The following KCNMA1 variants were observed in gnomAD, a reference collection of about 807,000 sequenced individuals.
KCNMA1 encodes the protein Calcium-activated potassium channel subunit alpha-1.
KCNMA1 carries 29 observed loss-of-function variants against 140.0 expected under a neutral mutation model. The observed-to-expected ratio is 0.21, with a 90% CI of 0.15 to 0.28. The LOEUF is 0.28. Ranked by LOEUF, KCNMA1 falls within the 10% of genes least tolerant of loss-of-function variation. The probability of loss-of-function intolerance (pLI) is 1.00; values close to 1 mark genes in which losing one functional copy is unlikely to be tolerated. For missense variants in KCNMA1, 880 were observed against 1,602.2 expected (o/e 0.55, Z 7.70); for synonymous variants, 612 against 611.9 (o/e 1.00, Z 0.00).
At chr10:76,947,994 TGTTTC>T (rs386745510) in intron 22 of KCNMA1, among the ~76,000 whole-genome samples, 1 of 145,034 alleles carries the variant, frequency 6.9e-6, no homozygotes, top group Non-Finnish European at 1.6e-5. Flanking sequence ...GTTCCTCAGT[TGTTTC>T]TTGTTTTGTT....
intron 23 of KCNMA1, chr10:76,939,110 C>CTTTTTT (rs71028244): frequency 7.5e-5 from 5 of 66,746 alleles, no homozygotes; most frequent in Non-Finnish European, 1.4e-4. Flanking sequence ...GCCACCTCTT[C>CTTTTTT]TTTTTTTTTT....
chr10:76,951,606 C>T (rs138889002), intron 21 of KCNMA1, among the ~76,000 whole-genome samples: 4 of 152,248 alleles, frequency 2.6e-5, no homozygotes, highest in Admixed American at 6.5e-5. Context: ...GTTAGTTTCC[C>T]GTGCCCAGTG....
chr10:77,030,338 G>C (rs535671803), intron 15 of KCNMA1, among the ~76,000 whole-genome samples: 16 of 152,290 alleles, frequency 1.1e-4, no homozygotes, highest in Non-Finnish European at 1.6e-4. Context: ...CCCTTTATGG[G>C]ACTGTTACTT....
chr10:77,300,622 C>T (rs1052175948), intron 2 of KCNMA1, among the ~76,000 whole-genome samples: 2 of 152,182 alleles, frequency 1.3e-5, no homozygotes, highest in African/African-American at 4.8e-5. Context: ...ATCAATGGTG[C>T]ATCTTTCTCA....
chr10:77,463,427 G>A (rs370518399), intron 1 of KCNMA1, among the ~76,000 whole-genome samples: 2 of 151,602 alleles, frequency 1.3e-5, no homozygotes, highest in Non-Finnish European at 2.9e-5. Flanking sequence ...AAGGAGAAAG[G>A]ACTCTGACCT....
chr10:77,619,378 C>T (rs1157638040), intron 1 of KCNMA1, among the ~76,000 whole-genome samples: 1 of 152,086 alleles, frequency 6.6e-6, no homozygotes, highest in African/African-American at 2.4e-5. Flanking sequence ...CTCTCACTCT[C>T]GCTCTTCCCC....
At chr10:76,893,625 A>G (rs1328790151) in intron 25 of KCNMA1, among the ~76,000 whole-genome samples, 2 of 152,150 alleles carry the variant, frequency 1.3e-5, no homozygotes, top group Admixed American at 6.5e-5. Flanking sequence ...CTGTAATCCC[A>G]GATCCTCGGG....
At chr10:77,546,575 T>C (rs2061506372) in intron 1 of KCNMA1, among the ~76,000 whole-genome samples, 1 of 152,242 alleles carries the variant, frequency 6.6e-6, no homozygotes, top group African/African-American at 2.4e-5. Context: ...CACACAAGGT[T>C]ATCCCCAATA....
chr10:76,944,712 C>A (rs1048487458), intron 23 of KCNMA1, 61 bp downstream of exon 23: 10 of 1,463,434 alleles, frequency 6.8e-6, no homozygotes, highest in Non-Finnish European at 9.6e-6. Flanking sequence ...TGAAGGATAT[C>A]CCTCTTGCCA....
chr10:77,506,596 AGT>A (rs796386759), intron 1 of KCNMA1, among the ~76,000 whole-genome samples: 26 of 83,536 alleles, frequency 3.1e-4, no homozygotes, highest in South Asian at 4.4e-4. Flanking sequence ...AGAGAGAGAG[AGT>A]GTGTGTGTGT....
chr10:77,622,694 A>G (rs1477946142), intron 1 of KCNMA1, among the ~76,000 whole-genome samples: 2 of 152,224 alleles, frequency 1.3e-5, no homozygotes, highest in African/African-American at 4.8e-5. Context: ...ACATCACAGG[A>G]TTGTTTTGAG....
At chr10:76,920,031 T>C (rs1437334019) in intron 23 of KCNMA1, among the ~76,000 whole-genome samples, 1 of 108,514 alleles carries the variant, frequency 9.2e-6, no homozygotes, top group African/African-American at 4.1e-5. Flanking sequence ...TATATATATA[T>C]ATATATATAT....
intron 2 of KCNMA1, among the ~76,000 whole-genome samples, chr10:77,356,596 A>G (rs2093499332): frequency 6.6e-6 from 1 of 152,222 alleles, no homozygotes; most frequent in Admixed American, 6.5e-5. Flanking sequence ...GAAATCAAAC[A>G]GGAAGAAATC....
intron 2 of KCNMA1, among the ~76,000 whole-genome samples, chr10:77,296,019 A>G (rs1269550229): frequency 6.6e-6 from 1 of 152,030 alleles, no homozygotes; most frequent in African/African-American, 2.4e-5. Context: ...CACTGACTGG[A>G]AGTTGTGGTA....
intron 1 of KCNMA1, among the ~76,000 whole-genome samples, chr10:77,471,102 C>T (rs1443942825): frequency 1.3e-5 from 2 of 151,530 alleles, no homozygotes; most frequent in Admixed American, 6.6e-5. Flanking sequence ...ACACAATACA[C>T]ACCAGACATG....
intron 2 of KCNMA1, among the ~76,000 whole-genome samples, chr10:77,296,825 G>A (rs570083460): frequency 1.4e-4 from 21 of 148,958 alleles, no homozygotes; most frequent in East Asian, 4.0e-4. Context: ...ATGACATGGC[G>A]GTATGAAAAA....
chr10:77,627,109 A>T (rs780364469), intron 1 of KCNMA1, among the ~76,000 whole-genome samples: 1 of 152,192 alleles, frequency 6.6e-6, no homozygotes, highest in South Asian at 2.1e-4. Context: ...AGGAGACCCA[A>T]TGAGCAGGTG....
In KCNMA1 at chr10:77,006,900, G is replaced by T. The variant is rs528426251; in HGVS notation, c.2092+5067C>A. ...TTTTGGCAAGACTGTGCATTGAATT[G>T]AAGAAGGTCATCATTGTGTTTTGTT... On this transcript the variant is annotated intron_variant, in intron 18 of 27. Coordinates refer to ENST00000286628, the MANE Select transcript of KCNMA1 (RefSeq NM_001161352.2). Among the ~76,000 whole-genome samples, 13 of 148,920 alleles carry T rather than the reference G, an allele frequency of 8.7e-5. No individual in the cohort carries two copies. In the South Asian group the frequency reaches 2.3e-3, roughly 27 times the overall value.
Position 77,110,268 on chromosome 10 carries a change from G to A in KCNMA1, c.1036C>T (p.Leu346Phe). The change falls in exon 8 of 28, where the codon CTC becomes TTC. Residue 346 changes from leucine (L) to phenylalanine (F), a missense_variant. By Grantham distance (22) the Leu-to-Phe change is conservative (BLOSUM62 0). This residue lies in a region of KCNMA1 where 198 missense variants were observed against 580.1 expected (regional missense o/e 0.34). Coordinates refer to ENST00000286628, the MANE Select transcript of KCNMA1 (RefSeq NM_001161352.2). ...ALTYWECVYLLMVTMSTVGYG... is the reference protein window; with the variant it reads ...ALTYWECVYLFMVTMSTVGYG... ...CCAACGGTGGACATTGTGACCATGA[G>A]TAAATAGACACATTCCCAGTAGGTG... The A allele has an allele frequency of 6.2e-7, 1 of 1,613,802 alleles. No homozygotes were observed. The highest frequency in any genetic ancestry group is 2.2e-5 in the East Asian group (1 of 44,886).
Sources: gnomAD v4.1 joint callset for allele counts (sites outside exome capture counted in the v4.1 genomes callset) on GRCh38, gnomAD v4.1.1 for gene constraint, gnomAD v4.1.1 regional missense constraint, MANE v1.5 for transcripts, NCBI Gene and HGNC (gene_info 2026-07-23, HGNC 2026-07-21) for gene names.